The following AKAP7 variants were observed in gnomAD, a reference collection of about 807,000 sequenced individuals.
The protein encoded by AKAP7 is A kinase (PRKA) anchor protein 7.
A neutral mutation model predicts 39.5 loss-of-function variants in AKAP7; 39 were observed. That is an observed-to-expected ratio of 0.99 (90% CI 0.76 to 1.29). The LOEUF is 1.29. Among genes scored for constraint, AKAP7 ranks in the 50% most tolerant of loss-of-function variants. The pLI, the probability that AKAP7 is intolerant of heterozygous loss-of-function variation, is 0.00. For synonymous variants in AKAP7, 140 were observed against 139.1 expected, an observed-to-expected ratio of 1.01 and a Z score of -0.05; for missense variants, 414 against 407.7, an observed-to-expected ratio of 1.02 and a Z score of -0.13.
At chr6:131,172,150 T>C (rs762234044) in intron 5 of AKAP7, among the ~76,000 whole-genome samples, 5 of 152,160 alleles carry the variant, frequency 3.3e-5, no homozygotes, top group South Asian at 2.1e-4. Flanking sequence ...GAGAAACTTA[T>C]AGCTTCAGTG....
At chr6:131,154,015 T>A (rs927950631) in intron 2 of AKAP7, among the ~76,000 whole-genome samples, 5 of 152,008 alleles carry the variant, frequency 3.3e-5, no homozygotes, top group Non-Finnish European at 7.4e-5. Flanking sequence ...TTCGAGACCA[T>A]CCTGGCCAAT....
intron 7 of AKAP7, among the ~76,000 whole-genome samples, chr6:131,249,286 A>T (rs1313557122): frequency 6.6e-6 from 1 of 152,192 alleles, no homozygotes; most frequent in African/African-American, 2.4e-5. Context: ...AATTATCAAA[A>T]TTCTATCTTT....
chr6:131,127,507 G>T, the AKAP7 span, among the ~76,000 whole-genome samples: 1 of 151,926 alleles, frequency 6.6e-6, no homozygotes, highest in Non-Finnish European at 1.5e-5. Flanking sequence ...TAAATGAAAG[G>T]GAATGAAAGG....
At chr6:131,247,286 T>TAC (rs1384702127) in intron 7 of AKAP7, among the ~76,000 whole-genome samples, 5 of 62,422 alleles carry the variant, frequency 8.0e-5, no homozygotes, top group Non-Finnish European at 1.4e-4. Context: ...TATATATATA[T>TAC]ATATATATAT....
At position 131,135,647 on chromosome 6, in the gene AKAP7, C is replaced by T. The variant is rs1800468908; in HGVS notation, c.-117C>T. On this transcript the variant is annotated 5_prime_UTR_variant, in exon 1 of 8. Transcript: ENST00000431975. ...GACCCCGCGCCGGCCCAGCGCACCG[C>T]CCTCAGGCCCCGAGCCCCGCCCTGG... 9 of 913,724 alleles carry T rather than the reference C, an allele frequency of 9.8e-6. No individual in the cohort carries two copies. The highest frequency in any genetic ancestry group is 1.1e-5 in the Non-Finnish European group (8 of 756,636). The allele number at this position is 913,724 out of a possible 1,614,324, so 56.6% of individuals were successfully genotyped here. A position where few individuals can be genotyped will look rare whatever the true frequency, so the allele number is the denominator to read the frequency against.
chr6:131,131,941 T>TTTA (rs1800337994), upstream of AKAP7, among the ~76,000 whole-genome samples: 1 of 152,118 alleles, frequency 6.6e-6, no homozygotes, highest in Non-Finnish European at 1.5e-5. Flanking sequence ...CAAACTGACA[T>TTTA]AGAGGCTTAA....
intron 7 of AKAP7, among the ~76,000 whole-genome samples, chr6:131,279,732 G>C (rs1815054876): frequency 6.6e-6 from 1 of 152,194 alleles, no homozygotes; most frequent in Non-Finnish European, 1.5e-5. Flanking sequence ...TGATGAGAAA[G>C]CTGACTAGAT....
chr6:131,238,377 A>T (rs1376835809), intron 7 of AKAP7, among the ~76,000 whole-genome samples: 1 of 152,198 alleles, frequency 6.6e-6, no homozygotes, highest in Non-Finnish European at 1.5e-5. Flanking sequence ...AAGAATGTAT[A>T]TTCTGTTGAT....
chr6:131,158,915 TAA>T (rs34120369), intron 2 of AKAP7, among the ~76,000 whole-genome samples: 121 of 146,094 alleles, frequency 8.3e-4, no homozygotes, highest in African/African-American at 2.2e-3. Flanking sequence ...TAGAATCTGT[TAA>T]AAAAAAAAAA....
intron 7 of AKAP7, among the ~76,000 whole-genome samples, chr6:131,280,125 A>G (rs1284925610): frequency 6.6e-6 from 1 of 152,172 alleles, no homozygotes; most frequent in South Asian, 2.1e-4. Flanking sequence ...AGTAAGTTCT[A>G]TTTAGTTATT....
At chr6:131,182,709 G>C (rs1316247728) in intron 5 of AKAP7, among the ~76,000 whole-genome samples, 1 of 152,070 alleles carries the variant, frequency 6.6e-6, no homozygotes, top group Admixed American at 6.6e-5. Flanking sequence ...TTAATTTTTT[G>C]AGGAACTGTC....
intron 7 of AKAP7, among the ~76,000 whole-genome samples, chr6:131,228,099 T>G (rs1447336048): frequency 6.6e-6 from 1 of 152,204 alleles, no homozygotes; most frequent in Non-Finnish European, 1.5e-5. Context: ...CAGAGATGAG[T>G]TGCCCACATC....
At chr6:131,191,777 C>CTTTGGACA (rs1045016903) in intron 5 of AKAP7, among the ~76,000 whole-genome samples, 1 of 151,594 alleles carries the variant, frequency 6.6e-6, no homozygotes, top group African/African-American at 2.4e-5. Flanking sequence ...TCCACCAGCA[C>CTTTGGACA]TTTGGACAGT....
intron 5 of AKAP7, among the ~76,000 whole-genome samples, chr6:131,180,812 ACTTT>A (rs67721315): frequency 0.14 from 19,569 of 138,638 alleles, 1,529 homozygotes; most frequent in Middle Eastern, 0.22. Flanking sequence ...CTGAGACACC[ACTTT>A]CTTTTTTTGT....
intron 7 of AKAP7, among the ~76,000 whole-genome samples, chr6:131,260,372 A>C (rs1210808170): frequency 6.6e-6 from 1 of 152,110 alleles, no homozygotes; most frequent in African/African-American, 2.4e-5. Flanking sequence ...TCTTTGAGGA[A>C]TCTCCACACT....
At chr6:131,233,129 T>C (rs1810765554) in intron 7 of AKAP7, among the ~76,000 whole-genome samples, 2 of 150,120 alleles carry the variant, frequency 1.3e-5, no homozygotes, top group African/African-American at 4.9e-5. Flanking sequence ...ATCTGTATAA[T>C]ATAGTGTTAT....
rs1370392809 is a variant in AKAP7 at position 131,235,870 on chromosome 6, A to G, written c.850+16062A>G. Among the ~76,000 whole-genome samples the G allele has an allele frequency of 5.3e-5, 8 of 152,222 alleles. No homozygotes were observed. The South Asian group carries it at 1.7e-3, about 32-fold the overall frequency. ...CCCATTCTGTATGTTGCCTGTTCAC[A>G]CTGATGGTAGTTTCTTTTGCTGTGC... On this transcript the variant is annotated intron_variant, in intron 7 of 7. Coordinates refer to ENST00000431975, the MANE Select transcript of AKAP7 (RefSeq NM_016377.4).
intron 3 of AKAP7, among the ~76,000 whole-genome samples, chr6:131,162,424 G>C (rs562396114): frequency 6.6e-6 from 1 of 152,284 alleles, no homozygotes; most frequent in South Asian, 2.1e-4. Flanking sequence ...TCCCAGCTGA[G>C]TCACAGACTC....
chr6:131,166,747 G>A (rs1021863028), intron 4 of AKAP7, among the ~76,000 whole-genome samples: 5 of 152,290 alleles, frequency 3.3e-5, no homozygotes, highest in Admixed American at 2.6e-4. Context: ...GAATGGAATT[G>A]ATGAGGTTTC....
Sources: allele counts gnomAD v4.1 joint callset (sites outside exome capture counted in the v4.1 genomes callset), GRCh38; gene constraint gnomAD v4.1.1; transcripts MANE v1.5; gene names NCBI Gene and HGNC (gene_info 2026-07-23, HGNC 2026-07-21).